The following HPCAL1 variants were observed in gnomAD, a reference collection of about 807,000 sequenced individuals.
HPCAL1 encodes the protein hippocalcin like 1, also known as hippocalcin-like protein 1.
In HPCAL1, 8 loss-of-function variants were observed where a neutral mutation model predicts 17.1. The ratio of observed to expected loss-of-function variants is 0.47; its 90% CI spans 0.27 to 0.84. The LOEUF (loss-of-function observed/expected upper bound fraction) is 0.84, where lower values mean the gene tolerates loss of function less well. HPCAL1 is among the 40% of genes least tolerant of loss of function. HPCAL1 has a pLI of 0.13. For synonymous variants in HPCAL1, 112 were observed against 111.4 expected (o/e 1.01, Z -0.03); for missense variants, 165 against 271.1 (o/e 0.61, Z 2.75).
At chr2:10,336,748 T>C (rs1016761728) in intron 1 of HPCAL1, among the ~76,000 whole-genome samples, 5 of 152,218 alleles carry the variant, frequency 3.3e-5, no homozygotes, top group African/African-American at 1.2e-4. Flanking sequence ...ATTCTATTTC[T>C]GTTTTTCCTC....
chr2:10,399,753 C>G (rs1669473298), intron 2 of HPCAL1, among the ~76,000 whole-genome samples: 1 of 152,158 alleles, frequency 6.6e-6, no homozygotes. Context: ...AGGCCGCTCC[C>G]CGGGCAGTGG....
Position 10,360,417 on chromosome 2 carries a change from C to CTT in HPCAL1, c.-110-36407_-110-36406dup, listed in dbSNP as rs112033400. Among the ~76,000 whole-genome samples the CTT allele has an allele frequency of 6.1e-4, 90 of 147,888 alleles. 1 individual carries two copies. Among genetic ancestry groups the CTT allele is most frequent in the African/African-American group, 1.8e-3 (74 of 40,426 alleles). On this transcript the variant is annotated intron_variant, in intron 1 of 4. Transcript: ENST00000307845. The stretch of plus-strand genomic sequence containing the variant: ...CCTGCTGGGTAGATGTTAACTGAAT[C>CTT]TTTTTTTTTTTTGAGATGGAATCTT...
chr2:10,306,866 C>A (rs1041748723), intron 1 of HPCAL1, among the ~76,000 whole-genome samples: 1 of 152,154 alleles, frequency 6.6e-6, no homozygotes, highest in Non-Finnish European at 1.5e-5. Context: ...GGAGGCATGA[C>A]GAACTAAAGA....
At chr2:10,416,947 CAG>C (rs1670711585) in intron 2 of HPCAL1, among the ~76,000 whole-genome samples, 1 of 152,190 alleles carries the variant, frequency 6.6e-6, no homozygotes, top group Non-Finnish European at 1.5e-5. Context: ...CTCCATGAAA[CAG>C]GGGCCATGCT....
chr2:10,331,798 G>A lies in HPCAL1; in HGVS notation c.-111+28621G>A, dbSNP rs1377108593. Reference sequence around the variant, plus strand: ...CTGCTTGGTGACATTGGCCAATCCTGTGGTGGCCCCAGCTGGGCTTGCTGC... The same window carrying A: ...CTGCTTGGTGACATTGGCCAATCCTATGGTGGCCCCAGCTGGGCTTGCTGC... On this transcript the variant is annotated intron_variant, in intron 1 of 4. Coordinates refer to ENST00000307845, the MANE Select transcript of HPCAL1 (RefSeq NM_002149.4). The surrounding 1 kb of genome is among the most constrained non-coding windows in gnomAD (Gnocchi z 5.0). Among the ~76,000 whole-genome samples, 1 of 152,172 alleles carries A rather than the reference G, an allele frequency of 6.6e-6. No individual in the cohort carries two copies. Among genetic ancestry groups the A allele is most frequent in the Admixed American group, 6.5e-5 (1 of 15,280 alleles).
intron 1 of HPCAL1, among the ~76,000 whole-genome samples, chr2:10,325,771 C>T (rs954858152): frequency 5.3e-5 from 8 of 152,188 alleles, no homozygotes; most frequent in Admixed American, 1.3e-4. Context: ...GGGAGAAGCC[C>T]GGGAGCACCT....
At chr2:10,385,345 G>T (rs577797992) in intron 1 of HPCAL1, among the ~76,000 whole-genome samples, 2 of 110,004 alleles carry the variant, frequency 1.8e-5, no homozygotes. Flanking sequence ...TTCAGCTCCC[G>T]GTCACTTGTC....
chr2:10,421,647 G>T (rs1671069873), intron 3 of HPCAL1, among the ~76,000 whole-genome samples: 1 of 152,216 alleles, frequency 6.6e-6, no homozygotes, highest in Admixed American at 6.5e-5. Flanking sequence ...GTGACAGTGA[G>T]CTGTGATTGC....
At chr2:10,316,092 G>A (rs1334307258) in intron 1 of HPCAL1, among the ~76,000 whole-genome samples, 5 of 152,128 alleles carry the variant, frequency 3.3e-5, no homozygotes, top group Non-Finnish European at 7.4e-5. Flanking sequence ...CTAGAATATG[G>A]TTTTTCTTTT....
intron 1 of HPCAL1, among the ~76,000 whole-genome samples, chr2:10,360,282 C>A (rs1209123982): frequency 6.6e-6 from 1 of 152,204 alleles, no homozygotes; most frequent in Non-Finnish European, 1.5e-5. Context: ...AGCCGAAGGG[C>A]CTTGGAGAGT....
chr2:10,326,159 A>G (rs1014304580), intron 1 of HPCAL1, among the ~76,000 whole-genome samples: 2 of 152,224 alleles, frequency 1.3e-5, no homozygotes, highest in Non-Finnish European at 2.9e-5. Context: ...AAGGCATCCC[A>G]GACAGAATCA....
At chr2:10,382,543 A>G (rs1218569523) in intron 1 of HPCAL1, among the ~76,000 whole-genome samples, 3 of 148,402 alleles carry the variant, frequency 2.0e-5, no homozygotes, top group African/African-American at 7.5e-5. Flanking sequence ...TGTGCTTTCC[A>G]CGCGATTTTG....
chr2:10,423,816 G>C (rs1364976464), intron 4 of HPCAL1: 1 of 152,748 alleles, frequency 6.5e-6, no homozygotes, highest in African/African-American at 2.4e-5. Context: ...ATACAGGCTG[G>C]GCGCAGTGGC....
At chr2:10,406,445 TTG>T (rs1669974170) in intron 2 of HPCAL1, 1 of 152,326 alleles carries the variant, frequency 6.6e-6, no homozygotes, top group African/African-American at 2.4e-5. Flanking sequence ...GGTCTGTGTC[TTG>T]TCCATCCACG....
chr2:10,387,793 C>G (rs949779201), intron 1 of HPCAL1, among the ~76,000 whole-genome samples: 1 of 152,230 alleles, frequency 6.6e-6, no homozygotes, highest in Admixed American at 6.5e-5. Context: ...CTGGTCATAC[C>G]TGGACCTGCG....
intron 2 of HPCAL1, among the ~76,000 whole-genome samples, chr2:10,400,896 C>A (rs896357368): frequency 6.6e-6 from 1 of 152,186 alleles, no homozygotes; most frequent in African/African-American, 2.4e-5. Flanking sequence ...AGGTGCCTGG[C>A]GGGGGAATCC....
At chr2:10,399,790 C>T (rs1572821239) in intron 2 of HPCAL1, among the ~76,000 whole-genome samples, 1 of 152,262 alleles carries the variant, frequency 6.6e-6, no homozygotes, top group East Asian at 1.9e-4. Flanking sequence ...TACTAAGGCT[C>T]GAGTCCCAGC....
chr2:10,404,302 G>A (rs1033247567), intron 2 of HPCAL1, among the ~76,000 whole-genome samples: 1 of 152,130 alleles, frequency 6.6e-6, no homozygotes, highest in African/African-American at 2.4e-5. Context: ...CTCCAGCCAT[G>A]CCCTTTTGCC....
chr2:10,335,763 C>T (rs763807761), intron 1 of HPCAL1, among the ~76,000 whole-genome samples: 1 of 152,198 alleles, frequency 6.6e-6, no homozygotes, highest in Non-Finnish European at 1.5e-5. Flanking sequence ...GCTCCTTTTC[C>T]TCATACCTCT....
Sources: gnomAD v4.1 joint callset for allele counts (sites outside exome capture counted in the v4.1 genomes callset) on GRCh38, gnomAD v4.1.1 for gene constraint, Gnocchi (gnomAD v3.1) non-coding constraint, MANE v1.5 for transcripts, NCBI Gene and HGNC (gene_info 2026-07-23, HGNC 2026-07-21) for gene names.